The following FARS2 variants were observed in gnomAD, a reference collection of about 807,000 sequenced individuals.
FARS2 encodes the protein phenylalanyl-tRNA synthetase 2, mitochondrial, also known as phenylalanine--tRNA ligase, mitochondrial.
A neutral mutation model predicts 46.4 loss-of-function variants in FARS2; 40 were observed. That is an observed-to-expected ratio of 0.86 (90% CI 0.67 to 1.12). FARS2 has a LOEUF of 1.12. Among genes scored for constraint, FARS2 ranks in the 50% most tolerant of loss-of-function variants. The pLI is 0.00. For missense variants in FARS2, 513 were observed against 567.9 expected (o/e 0.90, Z 0.98); for synonymous variants, 234 against 214.9 (o/e 1.09, Z -0.78).
chr6:5,340,351 T>TC (rs1314186153), intron 1 of FARS2, among the ~76,000 whole-genome samples: 1 of 152,162 alleles, frequency 6.6e-6, no homozygotes, highest in Non-Finnish European at 1.5e-5. Flanking sequence ...TAGAAATAGC[T>TC]CAAGTTTATT....
intron 4 of FARS2, 98 bp downstream of exon 4, chr6:5,431,270 A>C (rs1763150991): frequency 8.1e-7 from 1 of 1,238,312 alleles, no homozygotes; most frequent in Admixed American, 1.9e-5. Context: ...ACATACTTCT[A>C]TGCGGGCAGC....
intron 4 of FARS2, among the ~76,000 whole-genome samples, chr6:5,539,407 T>TATATATATATATATATA (rs771563949): frequency 1.4e-5 from 2 of 143,470 alleles, no homozygotes; most frequent in African/African-American, 2.6e-5. Context: ...TATGTATATA[T>TATATATATATATATATA]TTTTTTAGTA....
intron 1 of FARS2, among the ~76,000 whole-genome samples, chr6:5,337,043 C>CA (rs1771208883): frequency 6.7e-6 from 1 of 149,820 alleles, no homozygotes; most frequent in African/African-American, 2.4e-5. Context: ...TATTTTGGCA[C>CA]ATGACAGGAA....
At chr6:5,429,829 AAAC>A (rs1284582098) in intron 3 of FARS2, among the ~76,000 whole-genome samples, 3 of 152,104 alleles carry the variant, frequency 2.0e-5, no homozygotes, top group Non-Finnish European at 2.9e-5. Flanking sequence ...CAAAACAAAA[AAAC>A]AACAAGAGCA....
chr6:5,587,806 G>C (rs992275182), intron 5 of FARS2, among the ~76,000 whole-genome samples: 1 of 152,100 alleles, frequency 6.6e-6, no homozygotes, highest in Admixed American at 6.5e-5. Flanking sequence ...GATCTCCATT[G>C]TGTGACCTTG....
intron 2 of FARS2, among the ~76,000 whole-genome samples, chr6:5,383,713 A>C (rs1759936929): frequency 6.6e-6 from 1 of 150,862 alleles, no homozygotes; most frequent in South Asian, 2.1e-4. Flanking sequence ...GAGCATTGTC[A>C]ATGTCAATTA....
At chr6:5,719,442 G>GAAAGAGAGAA (rs1554129042) in intron 6 of FARS2, among the ~76,000 whole-genome samples, 8 of 144,582 alleles carry the variant, frequency 5.5e-5, no homozygotes, top group Non-Finnish European at 1.2e-4. Flanking sequence ...AGGAAAGAAA[G>GAAAGAGAGAA]AGAGAAAGAG....
intron 6 of FARS2, among the ~76,000 whole-genome samples, chr6:5,620,791 A>G (rs1775731406): frequency 6.6e-6 from 1 of 152,220 alleles, no homozygotes; most frequent in Non-Finnish European, 1.5e-5. Context: ...TTCCTGCTAG[A>G]TCAGAGGCAG....
intron 4 of FARS2, among the ~76,000 whole-genome samples, chr6:5,501,738 G>A (rs1016097527): frequency 3.3e-5 from 5 of 152,074 alleles, no homozygotes; most frequent in East Asian, 1.9e-4. Flanking sequence ...CAAGTGGTCC[G>A]CCCGCCTCAG....
chr6:5,759,204 C>T (rs1450358580), intron 6 of FARS2, among the ~76,000 whole-genome samples: 1 of 152,176 alleles, frequency 6.6e-6, no homozygotes. Flanking sequence ...GGACTGCCCG[C>T]CACCCGCTCT....
rs552538194 is a variant in FARS2 at position 5,341,257 on chromosome 6, T to TTTTTTTTTTTTTC, written c.-21-27293_-21-27292insTTTTTTTTTTTTC. 3.4e-4 allele frequency among the ~76,000 whole-genome samples: 19 copies of TTTTTTTTTTTTTC among 56,698 alleles called. 5 individuals are homozygous for TTTTTTTTTTTTTC. Among genetic ancestry groups the TTTTTTTTTTTTTC allele is most frequent in the Non-Finnish European group, 4.0e-4 (12 of 30,006 alleles). 37.2% of individuals were successfully genotyped at this position (56,698 alleles called of 152,430 possible). A position where few individuals can be genotyped will look rare whatever the true frequency, so the allele number is the denominator to read the frequency against. ...TATATTTTTTTTTTTTTTTTTTTTT[T>TTTTTTTTTTTTTC]CCCTGTGAGAGCAGTTGTTTTGAGA... is the stretch of plus-strand genomic sequence containing the variant. On this transcript the variant is annotated intron_variant, in intron 1 of 6. Transcript: ENST00000274680.
chr6:5,670,431 G>A (rs1278733285), intron 6 of FARS2, among the ~76,000 whole-genome samples: 2 of 152,154 alleles, frequency 1.3e-5, no homozygotes, highest in African/African-American at 4.8e-5. Context: ...AGCTTCTAGA[G>A]AGTAGAAACC....
At chr6:5,552,257 C>T (rs1238120494) in intron 5 of FARS2, among the ~76,000 whole-genome samples, 1 of 152,142 alleles carries the variant, frequency 6.6e-6, no homozygotes, top group African/African-American at 2.4e-5. Flanking sequence ...AGTTGACCTG[C>T]CTTGAGAAAA....
In FARS2 at chr6:5,471,994, C is replaced by G. The variant is rs988352605; in HGVS notation, c.904+40822C>G. On this transcript the variant is annotated intron_variant, in intron 4 of 6. Coordinates refer to ENST00000274680, the MANE Select transcript of FARS2 (RefSeq NM_006567.5). This position sits in a 1 kb window ranked among gnomAD's most constrained non-coding sequence, Gnocchi z 4.1. Reference sequence around the variant, plus strand: ...TCAGAATAGTCCCCCAGCTCCTTATCCCACATGGAGTTTTAATTTCCTTTT... The same window carrying G: ...TCAGAATAGTCCCCCAGCTCCTTATGCCACATGGAGTTTTAATTTCCTTTT... Among the ~76,000 whole-genome samples the G allele has an allele frequency of 1.3e-5, 2 of 152,212 alleles. No homozygotes were observed. The highest frequency in any genetic ancestry group is 4.8e-5 in the African/African-American group (2 of 41,452).
chr6:5,482,164 A>T (rs966213604), intron 4 of FARS2, among the ~76,000 whole-genome samples: 6 of 152,326 alleles, frequency 3.9e-5, no homozygotes, highest in African/African-American at 1.4e-4. Flanking sequence ...ATGGAAAATA[A>T]ATAAATGCCA....
At chr6:5,411,204 A>G (rs1761925741) in intron 3 of FARS2, among the ~76,000 whole-genome samples, 1 of 152,214 alleles carries the variant, frequency 6.6e-6, no homozygotes, top group African/African-American at 2.4e-5. Flanking sequence ...GCTTAAGCCC[A>G]GGAGTCCAAG....
intron 6 of FARS2, among the ~76,000 whole-genome samples, chr6:5,757,261 T>G (rs1762255095): frequency 6.6e-6 from 1 of 152,202 alleles, no homozygotes; most frequent in African/African-American, 2.4e-5. Context: ...AATACAATTT[T>G]GAAAGAGTTT....
chr6:5,316,721 T>C (rs1561952647), intron 1 of FARS2, among the ~76,000 whole-genome samples: 1 of 151,994 alleles, frequency 6.6e-6, no homozygotes, highest in Non-Finnish European at 1.5e-5. Context: ...CTTCCAGGAG[T>C]CTCACCAGTG....
intron 5 of FARS2, among the ~76,000 whole-genome samples, chr6:5,562,232 C>T (rs1772025583): frequency 6.6e-6 from 1 of 151,548 alleles, no homozygotes; most frequent in Non-Finnish European, 1.5e-5. Flanking sequence ...TTTTGATTAT[C>T]ACCACTTGTC....
Sources: allele counts gnomAD v4.1 joint callset (sites outside exome capture counted in the v4.1 genomes callset), GRCh38; gene constraint gnomAD v4.1.1; non-coding constraint Gnocchi (gnomAD v3.1); transcripts MANE v1.5; gene names NCBI Gene and HGNC (gene_info 2026-07-23, HGNC 2026-07-21).